Variants in RARB observed in about 807,000 individuals in gnomAD.
RARB encodes HBV-activated protein.
A neutral mutation model predicts 51.9 loss-of-function variants in RARB; 17 were observed. The ratio of observed to expected loss-of-function variants is 0.33; its 90% confidence interval spans 0.22 to 0.49. The LOEUF (loss-of-function observed/expected upper bound fraction) is 0.49. Among genes scored for constraint, RARB ranks in the 20% least tolerant of loss-of-function variants. The pLI is 0.99. For missense variants in RARB, 369 were observed against 550.8 expected (o/e 0.67, Z 3.30); for synonymous variants, 215 against 195.4 (o/e 1.10, Z -0.84).
intron 3 of RARB, among the ~76,000 whole-genome samples, chr3:25,127,844 A>G (rs549861045): frequency 1.3e-5 from 2 of 152,092 alleles, no homozygotes; most frequent in Non-Finnish European, 2.9e-5. Context: ...ATATATATAC[A>G]TATATTTTTA....
At chr3:24,968,889 A>G (rs1389439641) in intron 2 of RARB, among the ~76,000 whole-genome samples, 1 of 152,154 alleles carries the variant, frequency 6.6e-6, no homozygotes, top group Non-Finnish European at 1.5e-5. Context: ...GTCTACCACA[A>G]GGGTTCTTTC....
At chr3:25,018,271 T>C (rs2125283419) in intron 2 of RARB, among the ~76,000 whole-genome samples, 1 of 152,224 alleles carries the variant, frequency 6.6e-6, no homozygotes, top group South Asian at 2.1e-4. Flanking sequence ...TTCCTGAAAC[T>C]ATAGGCCATG....
At chr3:25,425,375 T>C (rs1707961509), upstream of RARB, among the ~76,000 whole-genome samples, 1 of 152,222 alleles carries the variant, frequency 6.6e-6, no homozygotes, top group Admixed American at 6.5e-5. Context: ...TGTAAGCATT[T>C]ACTGATGAAG....
At chr3:25,146,516 T>C in intron 4 of RARB, among the ~76,000 whole-genome samples, 1 of 145,402 alleles carries the variant, frequency 6.9e-6, no homozygotes, top group Non-Finnish European at 1.5e-5. Context: ...TGTTTGTTTT[T>C]TTTTTTTTGA....
intron 1 of RARB, among the ~76,000 whole-genome samples, chr3:24,853,756 G>A (rs1702595201): frequency 6.6e-6 from 1 of 152,200 alleles, no homozygotes. Flanking sequence ...TATCAGACAT[G>A]TTTGAATTAT....
chr3:25,013,815 C>G (rs550128640), intron 2 of RARB, among the ~76,000 whole-genome samples: 7 of 152,228 alleles, frequency 4.6e-5, no homozygotes, highest in Admixed American at 6.5e-5. Context: ...TCTATACTAA[C>G]AGATCCTGTC....
At chr3:25,435,977 G>A (rs1708418268) in intron 1 of RARB, among the ~76,000 whole-genome samples, 3 of 152,146 alleles carry the variant, frequency 2.0e-5, no homozygotes, top group Admixed American at 6.6e-5. Flanking sequence ...GCTGAAAAAT[G>A]TAGCTAGACA....
At chr3:25,462,058 G>C (rs989736955) in intron 2 of RARB, among the ~76,000 whole-genome samples, 1 of 152,178 alleles carries the variant, frequency 6.6e-6, no homozygotes, top group South Asian at 2.1e-4. Context: ...GTTGAAACTG[G>C]GATTTGTCTG....
chr3:24,959,181 C>T (rs1696086009), intron 2 of RARB, among the ~76,000 whole-genome samples: 1 of 152,224 alleles, frequency 6.6e-6, no homozygotes, highest in South Asian at 2.1e-4. Flanking sequence ...CAGTTGCTCT[C>T]TGCCAGCAAG....
intron 2 of RARB, among the ~76,000 whole-genome samples, chr3:24,985,938 A>G (rs1259043950): frequency 6.6e-6 from 1 of 152,246 alleles, no homozygotes; most frequent in African/African-American, 2.4e-5. Context: ...TAATAAACTA[A>G]GAACAGAGAC....
chr3:24,833,027 C>T (rs1702301859), intron 1 of RARB: 1 of 152,184 alleles, frequency 6.6e-6, no homozygotes, highest in African/African-American at 2.4e-5. Context: ...CTTGTCTGCA[C>T]ATGTTAATCT....
chr3:24,919,080 C>T (rs1188122907), intron 2 of RARB, among the ~76,000 whole-genome samples: 1 of 152,096 alleles, frequency 6.6e-6, no homozygotes, highest in Non-Finnish European at 1.5e-5. Flanking sequence ...AAGAGTATGT[C>T]CCTCATAGTA....
At chr3:25,370,815 A>G (rs559810446) in intron 5 of RARB, among the ~76,000 whole-genome samples, 1 of 152,348 alleles carries the variant, frequency 6.6e-6, no homozygotes, top group South Asian at 2.1e-4. Flanking sequence ...TTTATGTTCT[A>G]ACAGATCTGG....
chr3:24,940,141 C>T (rs562464325), intron 2 of RARB, among the ~76,000 whole-genome samples: 62 of 152,288 alleles, frequency 4.1e-4, no homozygotes, highest in Admixed American at 1.8e-3. Context: ...AATCTAGACA[C>T]GTCTCCTTTA....
chr3:25,593,043 C>G (rs1380395985), intron 5 of RARB, among the ~76,000 whole-genome samples: 2 of 152,134 alleles, frequency 1.3e-5, no homozygotes, highest in Admixed American at 1.3e-4. Flanking sequence ...ATAATATTCA[C>G]TTTACCAAGC....
At chr3:24,858,783 C>T (rs1255789578) in intron 2 of RARB, 3 of 151,954 alleles carry the variant, frequency 2.0e-5, no homozygotes, top group African/African-American at 7.3e-5. Flanking sequence ...TTTAAGTTCT[C>T]TAATACTTTT....
chr3:25,358,103 T>C (rs6798613), intron 5 of RARB, among the ~76,000 whole-genome samples: 59,125 of 152,036 alleles, frequency 0.39, 12,067 homozygotes, highest in East Asian at 0.78. Context: ...TGATTCTTCC[T>C]ATCCATGAGC....
rs545255867 is a variant in RARB at position 25,234,310 on chromosome 3, G to A, written c.178+59735G>A. Among the ~76,000 whole-genome samples the A allele has an allele frequency of 1.2e-3, 180 of 152,124 alleles. 1 individual carries two copies. Among genetic ancestry groups the A allele is most frequent in the Middle Eastern group, 6.8e-3 (2 of 294 alleles). ...TTAGTCTGTATCTTTAAAGGAATTG[G>A]TCCATTTCATCTAAGTTATTAGACT... On this transcript the variant is annotated intron_variant, in intron 5 of 11. Coordinates refer to the RARB transcript ENST00000383772.
At chr3:25,460,073 A>G (rs1337640720) in intron 1 of RARB, among the ~76,000 whole-genome samples, 1 of 152,200 alleles carries the variant, frequency 6.6e-6, no homozygotes, top group East Asian at 1.9e-4. Context: ...TTTTTAATCT[A>G]GAATAAAGAG....
Sources: allele counts gnomAD v4.1 joint callset (sites outside exome capture counted in the v4.1 genomes callset), GRCh38; gene constraint gnomAD v4.1.1; transcripts MANE v1.5; gene names NCBI Gene and HGNC (gene_info 2026-07-23, HGNC 2026-07-21).